IGSF5: variants seen among roughly 807,000 people sequenced by gnomAD.
IGSF5 encodes the protein immunoglobulin superfamily 5 like.
In IGSF5, 41 loss-of-function variants were observed where a neutral mutation model predicts 39.4. The ratio of observed to expected loss-of-function variants is 1.04; its 90% CI spans 0.81 to 1.35. The LOEUF (loss-of-function observed/expected upper bound fraction) is 1.35. Ranked by LOEUF, IGSF5 falls within the 40% of genes most tolerant of loss-of-function variation. The pLI is 0.00. For synonymous variants in IGSF5, 183 were observed against 175.3 expected (o/e 1.04, Z -0.34); for missense variants, 487 against 494.6 (o/e 0.98, Z 0.15).
intron 2 of IGSF5, among the ~76,000 whole-genome samples, chr21:39,764,611 A>G (rs1433178348): frequency 6.6e-6 from 1 of 152,152 alleles, no homozygotes; most frequent in African/African-American, 2.4e-5. Context: ...AAGTGCTGGG[A>G]TTACAGGTGT....
chr21:39,774,206 C>T (rs2080128694), intron 4 of IGSF5, among the ~76,000 whole-genome samples: 1 of 152,214 alleles, frequency 6.6e-6, no homozygotes, highest in South Asian at 2.1e-4. Flanking sequence ...GTTTTATTAG[C>T]TGAAGACCTC....
chr21:39,772,064 C>T (rs986178252), intron 4 of IGSF5, among the ~76,000 whole-genome samples: 1 of 152,136 alleles, frequency 6.6e-6, no homozygotes, highest in African/African-American at 2.4e-5. Flanking sequence ...AGAACAAAGC[C>T]ATAGCCAAAG....
At chr21:39,754,039 G>T (rs1477709980) in intron 2 of IGSF5, among the ~76,000 whole-genome samples, 1 of 152,020 alleles carries the variant, frequency 6.6e-6, no homozygotes, top group Non-Finnish European at 1.5e-5. Flanking sequence ...CATGTTAGTT[G>T]TTACCTAGAT....
At chr21:39,779,985 A>G (rs1364779556) in intron 5 of IGSF5, among the ~76,000 whole-genome samples, 1 of 152,244 alleles carries the variant, frequency 6.6e-6, no homozygotes, top group Non-Finnish European at 1.5e-5. Flanking sequence ...ACTGTACAGC[A>G]TGATGACTGT....
intron 5 of IGSF5, among the ~76,000 whole-genome samples, chr21:39,787,244 T>C (rs530339040): frequency 1.3e-5 from 2 of 152,236 alleles, no homozygotes; most frequent in Non-Finnish European, 2.9e-5. Context: ...TCTTACCTGA[T>C]AGTCTCTTTT....
chr21:39,798,443 AG>A (rs1179778961), intron 8 of IGSF5, among the ~76,000 whole-genome samples: 1 of 151,966 alleles, frequency 6.6e-6, no homozygotes, highest in Non-Finnish European at 1.5e-5. Context: ...CAAGTAGAGG[AG>A]TGTCTGGACA....
intron 4 of IGSF5, among the ~76,000 whole-genome samples, chr21:39,775,743 A>G (rs2080136459): frequency 6.6e-6 from 1 of 152,148 alleles, no homozygotes; most frequent in South Asian, 2.1e-4. Context: ...CAGGTATAGT[A>G]TACTCATCCT....
chr21:39,770,459 C>T (rs1056569949), intron 3 of IGSF5, among the ~76,000 whole-genome samples: 7 of 152,066 alleles, frequency 4.6e-5, no homozygotes, highest in African/African-American at 1.7e-4. Flanking sequence ...GACCAAAACT[C>T]CAGGGGAGAC....
At chr21:39,773,792 AT>A (rs1053425120) in intron 4 of IGSF5, among the ~76,000 whole-genome samples, 11 of 152,250 alleles carry the variant, frequency 7.2e-5, no homozygotes, top group African/African-American at 2.7e-4. Flanking sequence ...GAAAGAGAAG[AT>A]TTTAAAAAAA....
chr21:39,772,342 C>T (rs1601132360), intron 4 of IGSF5, among the ~76,000 whole-genome samples: 1 of 152,140 alleles, frequency 6.6e-6, no homozygotes, highest in Non-Finnish European at 1.5e-5. Context: ...AGAAACTGCT[C>T]ACCTGGCAAC....
chr21:39,756,471 G>A (rs539561320), intron 2 of IGSF5, among the ~76,000 whole-genome samples: 2 of 152,336 alleles, frequency 1.3e-5, no homozygotes, highest in African/African-American at 4.8e-5. Flanking sequence ...AGCCCTGGAT[G>A]TGCGTTGTCA....
At chr21:39,733,045 T>TA in the IGSF5 span, among the ~76,000 whole-genome samples, 1 of 150,002 alleles carries the variant, frequency 6.7e-6, no homozygotes, top group Non-Finnish European at 1.5e-5. Context: ...ATAATAAAAT[T>TA]AAAAAAATTA....
rs2087033213 is a variant in IGSF5, at chr21:39,802,041, G to A, written c.*684G>A. ...CGCACACCGTGAAAAAACTGGAAAT[G>A]GGCATTGTAGTCTTTAATTAATAAA... On this transcript the variant is annotated 3_prime_UTR_variant, in exon 9 of 9. Transcript: ENST00000380588. 6.6e-6 allele frequency: 1 copy of A among 152,236 alleles called. No individual in the cohort carries two copies. Among genetic ancestry groups the A allele is most frequent in the East Asian group, 1.9e-4 (1 of 5,188 alleles). The allele number at this position is 152,236 out of a possible 1,614,324, so 9.4% of individuals were successfully genotyped here.
the IGSF5 span, among the ~76,000 whole-genome samples, chr21:39,719,233 C>T: frequency 6.6e-6 from 1 of 152,164 alleles, no homozygotes; most frequent in Non-Finnish European, 1.5e-5. Context: ...CACTCCTGGG[C>T]TCAAGCAATC....
At chr21:39,787,628 A>G (rs1490761447) in intron 5 of IGSF5, among the ~76,000 whole-genome samples, 2 of 150,380 alleles carry the variant, frequency 1.3e-5, no homozygotes, top group Non-Finnish European at 2.9e-5. Context: ...TTGATTGAAA[A>G]TGTATCTTTG....
At chr21:39,774,316 G>T (rs1265165917) in intron 4 of IGSF5, among the ~76,000 whole-genome samples, 3 of 152,154 alleles carry the variant, frequency 2.0e-5, no homozygotes, top group African/African-American at 7.2e-5. Context: ...TGCCCATTCA[G>T]GCTTCTTCAG....
the IGSF5 span, among the ~76,000 whole-genome samples, chr21:39,737,628 G>T: frequency 1.2e-4 from 18 of 152,142 alleles, no homozygotes; most frequent in Non-Finnish European, 2.1e-4. Context: ...ATGAAGATGC[G>T]CAGGGCGAGG....
At chr21:39,716,780 G>T in the IGSF5 span, among the ~76,000 whole-genome samples, 4 of 152,160 alleles carry the variant, frequency 2.6e-5, no homozygotes, top group Admixed American at 2.6e-4. Context: ...CTATGTCTTT[G>T]CTATGGTGAA....
the IGSF5 span, among the ~76,000 whole-genome samples, chr21:39,713,064 T>G: frequency 6.6e-6 from 1 of 152,198 alleles, no homozygotes; most frequent in Non-Finnish European, 1.5e-5. Flanking sequence ...GCTAGTACCA[T>G]GTAGCAAGTT....
Sources: allele counts gnomAD v4.1 joint callset (sites outside exome capture counted in the v4.1 genomes callset), GRCh38; gene constraint gnomAD v4.1.1; transcripts MANE v1.5; gene names NCBI Gene and HGNC (gene_info 2026-07-23, HGNC 2026-07-21).